Variants in WDR7 observed in about 807,000 individuals in gnomAD.
WDR7 encodes WD repeat domain 7.
A neutral mutation model predicts 169.4 loss-of-function variants in WDR7; 46 were observed. The ratio of observed to expected loss-of-function variants is 0.27; its 90% CI spans 0.21 to 0.35. WDR7 has a LOEUF of 0.35. Among genes scored for constraint, WDR7 ranks in the 10% least tolerant of loss-of-function variants. The pLI is 1.00. For synonymous variants in WDR7, 612 were observed against 666.8 expected (o/e 0.92, Z 1.27); for missense variants, 1,534 against 1,859.3 (o/e 0.83, Z 3.22).
chr18:56,893,259 C>G (rs558720666), intron 21 of WDR7, among the ~76,000 whole-genome samples: 53 of 151,604 alleles, frequency 3.5e-4, no homozygotes, highest in Non-Finnish European at 4.0e-4. Flanking sequence ...CTGTAGTTTT[C>G]TGACAGTCCT....
rs535201287 is a variant in WDR7 at position 56,873,906 on chromosome 18, A to G, written c.3305-6038A>G. ...AAAATAGATGGAGCTGCGATCATTC[A>G]TTTGTCAGCTAAGGAGCAAGGCAGC... is the stretch of plus-strand genomic sequence containing the variant. On this transcript the variant is annotated intron_variant, in intron 20 of 27. Transcript: ENST00000254442. 9.2e-5 allele frequency: 14 copies of G among 152,300 alleles called. 1 individual carries two copies. The highest frequency in any genetic ancestry group is 7.2e-4 in the Admixed American group (11 of 15,282). The allele number at this position is 152,300 out of a possible 1,614,324, so 9.4% of individuals were successfully genotyped here.
chr18:56,853,741 G>A (rs1385310833), intron 20 of WDR7, among the ~76,000 whole-genome samples: 2 of 151,952 alleles, frequency 1.3e-5, no homozygotes, highest in African/African-American at 4.8e-5. Context: ...TCATATATTG[G>A]TATGCCTAAA....
chr18:56,679,584 A>G, intron 3 of WDR7, 146 bp downstream of exon 3: 1 of 480,942 alleles, frequency 2.1e-6, no homozygotes, highest in Admixed American at 3.8e-5. Context: ...GTAGATATTT[A>G]AAATCTGATT....
intron 1 of WDR7, among the ~76,000 whole-genome samples, chr18:56,668,059 T>TC (rs917794028): frequency 2.0e-5 from 3 of 152,320 alleles, no homozygotes; most frequent in African/African-American, 7.2e-5. Flanking sequence ...GCCTCATTGG[T>TC]CTTCAGGTCC....
chr18:56,860,852 A>C (rs2045793775), intron 20 of WDR7, among the ~76,000 whole-genome samples: 1 of 151,864 alleles, frequency 6.6e-6, no homozygotes. Flanking sequence ...TTTTTTCATG[A>C]ACATTTACAA....
chr18:56,911,928 AT>A (rs1438871608), intron 21 of WDR7, among the ~76,000 whole-genome samples: 1 of 152,208 alleles, frequency 6.6e-6, no homozygotes, highest in Non-Finnish European at 1.5e-5. Context: ...CTTTTTAATA[AT>A]ACTTTAATTC....
At position 57,015,108 on chromosome 18, in the gene WDR7, G is replaced by A. The variant is rs115254953; in HGVS notation, c.4165-5637G>A. ...GGAGATGTGGGAATCTTTCTCTGGA[G>A]ATATCTGAAAACAGAATAGATTTTC... On this transcript the variant is annotated intron_variant, in intron 26 of 27. Transcript: ENST00000254442. Among the ~76,000 whole-genome samples, 1,068 of 152,326 alleles carry A rather than the reference G, an allele frequency of 7.0e-3. 12 individuals are homozygous for A. Among genetic ancestry groups the A allele is most frequent in the African/African-American group, 0.024 (1,009 of 41,568 alleles).
intron 13 of WDR7, among the ~76,000 whole-genome samples, chr18:56,719,315 G>A (rs556637682): frequency 3.7e-4 from 56 of 152,176 alleles, no homozygotes; most frequent in African/African-American, 1.3e-3. Flanking sequence ...TGTAATCCTA[G>A]CACTTTGGGA....
At chr18:56,838,394 C>G (rs1473839177) in intron 20 of WDR7, among the ~76,000 whole-genome samples, 1 of 152,106 alleles carries the variant, frequency 6.6e-6, no homozygotes, top group Admixed American at 6.6e-5. Flanking sequence ...TTGAATAATG[C>G]AATAGTTTGA....
At position 56,779,491 on chromosome 18, in the gene WDR7, A is replaced by C. The variant is rs867833830; in HGVS notation, c.3008A>C (p.Lys1003Thr). 1 of 1,613,866 alleles carries C rather than the reference A, an allele frequency of 6.2e-7. No homozygotes were observed. Among genetic ancestry groups the C allele is most frequent in the African/African-American group, 1.3e-5 (1 of 74,904 alleles). ...CTGCCAGACCTACTGGGATTGGATA[A>C]ATTTAGGCCTCCCCTTCTGGAGATG... ...VMLPDLLGLD[K>T]FRPPLLEMLA... The change falls in exon 18 of 28, where the codon AAA (lysine) becomes ACA (threonine). Residue 1003 changes from lysine (K) to threonine (T), a missense_variant. Lys to Thr is a moderately conservative substitution (Grantham distance 78). Coordinates refer to ENST00000254442, the MANE Select transcript of WDR7 (RefSeq NM_015285.3).
At chr18:56,693,104 G>T (rs945162391) in intron 9 of WDR7, among the ~76,000 whole-genome samples, 1 of 152,128 alleles carries the variant, frequency 6.6e-6, no homozygotes, top group Non-Finnish European at 1.5e-5. Flanking sequence ...CAAACGATTG[G>T]TTATGCTTAA....
chr18:56,706,458 G>A (rs949485328), intron 12 of WDR7, among the ~76,000 whole-genome samples: 6 of 152,152 alleles, frequency 3.9e-5, no homozygotes, highest in African/African-American at 9.7e-5. Context: ...AGTGGCATTA[G>A]CAGGTTACTT....
chr18:56,819,540 T>C (rs903395892), intron 20 of WDR7, among the ~76,000 whole-genome samples: 2 of 152,164 alleles, frequency 1.3e-5, no homozygotes, highest in African/African-American at 4.8e-5. Context: ...AAATTATATA[T>C]CATAGACATA....
At chr18:56,933,156 A>G (rs2046913817) in intron 22 of WDR7, among the ~76,000 whole-genome samples, 1 of 152,144 alleles carries the variant, frequency 6.6e-6, no homozygotes, top group Non-Finnish European at 1.5e-5. Context: ...AGGGAGAAGT[A>G]TATCCACGGG....
chr18:56,710,716 C>T (rs1598981244), intron 12 of WDR7, among the ~76,000 whole-genome samples: 1 of 152,178 alleles, frequency 6.6e-6, no homozygotes, highest in East Asian at 1.9e-4. Flanking sequence ...TTTCTACTCT[C>T]AGCGCCCACT....
chr18:57,016,490 T>C (rs2048209468), intron 26 of WDR7, among the ~76,000 whole-genome samples: 1 of 152,182 alleles, frequency 6.6e-6, no homozygotes, highest in African/African-American at 2.4e-5. Context: ...TCTCTTTAAT[T>C]TTATTCAACC....
At chr18:56,811,798 G>A (rs778212034) in intron 19 of WDR7, among the ~76,000 whole-genome samples, 2 of 152,020 alleles carry the variant, frequency 1.3e-5, no homozygotes, top group Non-Finnish European at 2.9e-5. Flanking sequence ...ATTGGTGTTT[G>A]TCTGTTTCTT....
intron 26 of WDR7, among the ~76,000 whole-genome samples, chr18:56,978,590 A>G (rs2047599412): frequency 6.6e-6 from 1 of 152,314 alleles, no homozygotes. Flanking sequence ...ATACAAACCC[A>G]GTATTTCCTT....
intron 12 of WDR7, among the ~76,000 whole-genome samples, chr18:56,713,796 A>G (rs1052171571): frequency 2.0e-5 from 3 of 152,206 alleles, no homozygotes; most frequent in Non-Finnish European, 4.4e-5. Context: ...AATTTAACTC[A>G]TTTGTGAAGA....
Sources: allele counts gnomAD v4.1 joint callset (sites outside exome capture counted in the v4.1 genomes callset), GRCh38; gene constraint gnomAD v4.1.1; transcripts MANE v1.5; gene names NCBI Gene and HGNC (gene_info 2026-07-23, HGNC 2026-07-21).